CORIN: variants seen among roughly 807,000 people sequenced by gnomAD.
CORIN encodes the protein atrial natriuretic peptide-converting enzyme.
In CORIN, 117 loss-of-function variants were observed where a neutral mutation model predicts 125.3. The observed-to-expected ratio is 0.93, with a 90% confidence interval of 0.80 to 1.09. CORIN has a LOEUF of 1.09. Ranked by LOEUF, CORIN falls within the 50% of genes least tolerant of loss-of-function variation. CORIN has a pLI of 0.00. For synonymous variants in CORIN, 450 were observed against 466.4 expected, an observed-to-expected ratio of 0.96 and a Z score of 0.45; for missense variants, 1,253 against 1,306.7, an observed-to-expected ratio of 0.96 and a Z score of 0.63.
chr4:47,823,623 T>C (rs530178269), intron 1 of CORIN, among the ~76,000 whole-genome samples: 1 of 152,352 alleles, frequency 6.6e-6, no homozygotes, highest in African/African-American at 2.4e-5. Flanking sequence ...TATACACATA[T>C]CTCCAGTTTC....
At chr4:47,707,593 C>T (rs61762903) in intron 5 of CORIN, among the ~76,000 whole-genome samples, 2 of 152,260 alleles carry the variant, frequency 1.3e-5, no homozygotes, top group Non-Finnish European at 2.9e-5. Context: ...GGCAAAACTA[C>T]AGGACCTTAA....
chr4:47,686,499 C>G (rs549625780), intron 6 of CORIN, among the ~76,000 whole-genome samples: 1 of 152,182 alleles, frequency 6.6e-6, no homozygotes, highest in South Asian at 2.1e-4. Flanking sequence ...CCTGCACCCC[C>G]ACTGCTGAAT....
At chr4:47,673,493 C>A (rs1051483032) in intron 10 of CORIN, among the ~76,000 whole-genome samples, 1 of 151,934 alleles carries the variant, frequency 6.6e-6, no homozygotes, top group East Asian at 1.9e-4. Flanking sequence ...GTGAAAGAAG[C>A]GAGTATAACA....
chr4:47,824,481 T>C (rs1732656021), intron 1 of CORIN, among the ~76,000 whole-genome samples: 1 of 152,076 alleles, frequency 6.6e-6, no homozygotes, highest in East Asian at 1.9e-4. Context: ...GAAAAGCTTT[T>C]CTTTCTTTCT....
At chr4:47,607,665 A>G (rs1721706610) in intron 19 of CORIN, among the ~76,000 whole-genome samples, 1 of 152,198 alleles carries the variant, frequency 6.6e-6, no homozygotes, top group African/African-American at 2.4e-5. Context: ...TGTTACATCA[A>G]GCAAGTGCTA....
At chr4:47,818,500 A>T (rs1732369757) in intron 1 of CORIN, among the ~76,000 whole-genome samples, 1 of 152,220 alleles carries the variant, frequency 6.6e-6, no homozygotes, top group South Asian at 2.1e-4. Context: ...GGATGTGATA[A>T]ATTACTAAAA....
chr4:47,673,591 G>T (rs1034270830), intron 10 of CORIN, among the ~76,000 whole-genome samples: 3 of 152,148 alleles, frequency 2.0e-5, no homozygotes, highest in African/African-American at 2.4e-5. Context: ...AGTCCATAGG[G>T]TGCTCTTTCA....
intron 2 of CORIN, among the ~76,000 whole-genome samples, chr4:47,794,314 T>G (rs775474054): frequency 6.6e-6 from 1 of 152,198 alleles, no homozygotes; most frequent in Non-Finnish European, 1.5e-5. Flanking sequence ...GATCTCCAGT[T>G]CATCTAGCAT....
At chr4:47,699,161 C>T (rs1229080338) in intron 5 of CORIN, among the ~76,000 whole-genome samples, 1 of 152,288 alleles carries the variant, frequency 6.6e-6, no homozygotes, top group African/African-American at 2.4e-5. Context: ...TATCTAGGAG[C>T]TTGGGAAATT....
chr4:47,632,942 G>C (rs1365863929), intron 16 of CORIN, among the ~76,000 whole-genome samples: 1 of 152,040 alleles, frequency 6.6e-6, no homozygotes, highest in Non-Finnish European at 1.5e-5. Flanking sequence ...GACCACGCCC[G>C]GCTAATTTTT....
chr4:47,687,680 T>C (rs1008574212), intron 6 of CORIN, among the ~76,000 whole-genome samples: 1 of 152,186 alleles, frequency 6.6e-6, no homozygotes, highest in African/African-American at 2.4e-5. Flanking sequence ...ATGTGTTGCC[T>C]CAACTCAAGA....
intron 5 of CORIN, among the ~76,000 whole-genome samples, chr4:47,712,619 C>T (rs1319399566): frequency 6.6e-6 from 1 of 152,124 alleles, no homozygotes; most frequent in Non-Finnish European, 1.5e-5. Context: ...TGGCAACAGG[C>T]TTGGGGAAAC....
At chr4:47,708,856 C>A (rs1263176791) in intron 5 of CORIN, among the ~76,000 whole-genome samples, 2 of 152,190 alleles carry the variant, frequency 1.3e-5, no homozygotes, top group East Asian at 3.8e-4. Context: ...GGGAGGAGAA[C>A]TGCTGTTAGA....
At chr4:47,816,086 G>T (rs17654526) in intron 1 of CORIN, among the ~76,000 whole-genome samples, 2 of 152,056 alleles carry the variant, frequency 1.3e-5, no homozygotes, top group Non-Finnish European at 2.9e-5. Context: ...GGAAAGCATA[G>T]AAGACAAAGT....
chr4:47,755,099 C>T (rs1729076090), intron 4 of CORIN, among the ~76,000 whole-genome samples: 1 of 152,128 alleles, frequency 6.6e-6, no homozygotes, highest in Admixed American at 6.5e-5. Flanking sequence ...GGATTCCTTA[C>T]CCTAGTGTCT....
intron 1 of CORIN, 22 bp from the exon 2 acceptor site, chr4:47,807,069 C>A (rs762292780): frequency 4.4e-6 from 7 of 1,595,748 alleles, no homozygotes; most frequent in Non-Finnish European, 8.5e-7. Context: ...GAGGAAAATG[C>A]AACATGGTTT....
chr4:47,792,331 G>A (rs1390832294), intron 2 of CORIN, among the ~76,000 whole-genome samples: 1 of 152,178 alleles, frequency 6.6e-6, no homozygotes, highest in Non-Finnish European at 1.5e-5. Flanking sequence ...GAAAATTTTA[G>A]AAAGGTCTTA....
chr4:47,636,144 T>C (rs1046876655), intron 16 of CORIN, among the ~76,000 whole-genome samples: 2 of 152,212 alleles, frequency 1.3e-5, no homozygotes, highest in Non-Finnish European at 2.9e-5. Context: ...GAAAACAATG[T>C]TTGACCAACT....
At chr4:47,750,133 A>C (rs1728835318) in intron 4 of CORIN, among the ~76,000 whole-genome samples, 1 of 152,176 alleles carries the variant, frequency 6.6e-6, no homozygotes, top group South Asian at 2.1e-4. Flanking sequence ...TGTTCTCCCT[A>C]TGATAAGCGA....
Sources: allele counts gnomAD v4.1 joint callset (sites outside exome capture counted in the v4.1 genomes callset), GRCh38; gene constraint gnomAD v4.1.1; transcripts MANE v1.5; gene names NCBI Gene and HGNC (gene_info 2026-07-23, HGNC 2026-07-21).